KALRN: variants seen among roughly 807,000 people sequenced by gnomAD.
KALRN encodes the protein kalirin.
A neutral mutation model predicts 353.7 loss-of-function variants in KALRN; 70 were observed. The ratio of observed to expected loss-of-function variants is 0.20; its 90% CI spans 0.16 to 0.24. KALRN has a LOEUF of 0.24. KALRN is among the 10% of genes least tolerant of loss of function. The pLI is 1.00. For missense variants in KALRN, 2,791 were observed against 3,756.7 expected, an observed-to-expected ratio of 0.74 and a Z score of 6.72; for synonymous variants, 1,391 against 1,434.8, an observed-to-expected ratio of 0.97 and a Z score of 0.69.
intron 5 of KALRN, among the ~76,000 whole-genome samples, chr3:124,270,780 G>C (rs1440015634): frequency 1.3e-5 from 2 of 151,422 alleles, no homozygotes; most frequent in African/African-American, 4.9e-5. Flanking sequence ...CAGGTACTTT[G>C]GCTCTGTTGC....
intron 51 of KALRN, among the ~76,000 whole-genome samples, chr3:124,693,018 C>G (rs2061892573): frequency 6.6e-6 from 1 of 152,184 alleles, no homozygotes; most frequent in African/African-American, 2.4e-5. Context: ...CCAGGGTGTC[C>G]TGAGGCAGGC....
chr3:124,480,203 A>C (rs928504712), intron 27 of KALRN, among the ~76,000 whole-genome samples: 11 of 152,092 alleles, frequency 7.2e-5, no homozygotes, highest in African/African-American at 2.7e-4. Flanking sequence ...CTCCCAGATA[A>C]ACTCACAAGG....
chr3:124,203,866 G>A (rs892164088), intron 1 of KALRN, among the ~76,000 whole-genome samples: 12 of 152,212 alleles, frequency 7.9e-5, no homozygotes, highest in African/African-American at 2.7e-4. Flanking sequence ...TTTGAATTGC[G>A]TGGGTCCACT....
chr3:124,069,812 TG>T (rs2059928322), intron 1 of KALRN, among the ~76,000 whole-genome samples: 1 of 152,076 alleles, frequency 6.6e-6, no homozygotes, highest in African/African-American at 2.4e-5. Context: ...GAGCTTTGCC[TG>T]GGGGAGTTAG....
At position 124,446,760 on chromosome 3, in the gene KALRN, T is replaced by C. The variant is rs377311976; in HGVS notation, c.3430-3T>C. 1.9e-6 allele frequency: 3 copies of C among 1,613,954 alleles called. No homozygotes were observed. The highest frequency in any genetic ancestry group is 1.3e-5 in the African/African-American group (1 of 74,908). Reference sequence around the variant, plus strand: ...GGACTGGATGAGTTGTTTCCTCCCATAGGCGCTTGACTGGATCCAAGAAAC... The same window carrying C: ...GGACTGGATGAGTTGTTTCCTCCCACAGGCGCTTGACTGGATCCAAGAAAC... On this transcript the variant is annotated splice_polypyrimidine_tract_variant and splice_region_variant and intron_variant, in intron 20 of 59. Transcript: ENST00000682506.
chr3:124,325,774 C>A (rs1245667558), intron 6 of KALRN, among the ~76,000 whole-genome samples: 1 of 152,202 alleles, frequency 6.6e-6, no homozygotes, highest in Non-Finnish European at 1.5e-5. Context: ...TGGTTCCCCA[C>A]AATGAAAGTT....
chr3:124,700,136 G>A (rs977123285), intron 56 of KALRN, 103 bp downstream of exon 56: 1 of 1,093,762 alleles, frequency 9.1e-7, no homozygotes, highest in African/African-American at 1.6e-5. Flanking sequence ...CACCATGCAA[G>A]AGGCACCTTT....
intron 6 of KALRN, among the ~76,000 whole-genome samples, chr3:124,312,749 G>A (rs1012044183): frequency 6.6e-6 from 1 of 152,224 alleles, no homozygotes; most frequent in African/African-American, 2.4e-5. Flanking sequence ...CAAGGTTCAT[G>A]AGACACAAAG....
chr3:124,040,361 T>C (rs1485018851), intron 1 of KALRN, among the ~76,000 whole-genome samples: 3 of 152,238 alleles, frequency 2.0e-5, no homozygotes, highest in African/African-American at 2.4e-5. Context: ...CAGTATGGTA[T>C]AGCCCAGTGG....
intron 51 of KALRN, among the ~76,000 whole-genome samples, chr3:124,684,803 C>T (rs186935407): frequency 2.4e-4 from 36 of 152,242 alleles, no homozygotes; most frequent in Admixed American, 1.4e-3. Flanking sequence ...CCTTCTGAGA[C>T]TCAACTGGAG....
intron 1 of KALRN, among the ~76,000 whole-genome samples, chr3:124,218,178 A>T (rs893834327): frequency 2.6e-5 from 4 of 152,158 alleles, no homozygotes. Context: ...TCATATTTAG[A>T]TACCTGCCAG....
At chr3:124,444,305 G>C (rs2150635495) in intron 19 of KALRN, among the ~76,000 whole-genome samples, 1 of 152,294 alleles carries the variant, frequency 6.6e-6, no homozygotes, top group African/African-American at 2.4e-5. Flanking sequence ...TGATAGCAGA[G>C]GTACAAGGAG....
At chr3:124,194,537 G>A (rs984508563) in intron 1 of KALRN, among the ~76,000 whole-genome samples, 11 of 152,160 alleles carry the variant, frequency 7.2e-5, no homozygotes, top group African/African-American at 1.9e-4. Flanking sequence ...TTCCTACAAG[G>A]ATTAAACATT....
At chr3:124,156,130 G>A (rs144821360) in intron 1 of KALRN, among the ~76,000 whole-genome samples, 4 of 152,318 alleles carry the variant, frequency 2.6e-5, no homozygotes, top group Admixed American at 6.5e-5. Context: ...GGTGGTATAT[G>A]AAGTGGAATC....
In KALRN at chr3:124,291,084, G is replaced by A. The variant is rs144666483; in HGVS notation, c.970-7707G>A. Among the ~76,000 whole-genome samples the A allele has an allele frequency of 4.9e-4, 74 of 152,310 alleles. No individual in the cohort carries two copies. The East Asian group carries it at 0.012, about 24-fold the overall frequency. On this transcript the variant is annotated intron_variant, in intron 5 of 59. Transcript: ENST00000682506. ...AGAATGATAGAAGATGGGAACCACA[G>A]CTTGCCAGCAGAGCAGTGCTTGCAG...
intron 25 of KALRN, among the ~76,000 whole-genome samples, chr3:124,472,785 TGTA>T (rs1483959567): frequency 2.0e-5 from 3 of 152,224 alleles, no homozygotes; most frequent in African/African-American, 7.2e-5. Context: ...ATGTGTCACT[TGTA>T]GTTCTTTAAA....
chr3:124,623,591 C>G (rs1212467282), intron 34 of KALRN, among the ~76,000 whole-genome samples: 2 of 152,092 alleles, frequency 1.3e-5, no homozygotes, highest in Non-Finnish European at 2.9e-5. Flanking sequence ...AGCTGGGAGG[C>G]TAGGCCTGTC....
chr3:124,075,392 A>T (rs544210540), intron 1 of KALRN, among the ~76,000 whole-genome samples: 1 of 152,280 alleles, frequency 6.6e-6, no homozygotes, highest in Admixed American at 6.5e-5. Context: ...GCAAGTTGGG[A>T]AGGATTTTCA....
At chr3:124,079,166 T>C (rs777482778) in intron 1 of KALRN, among the ~76,000 whole-genome samples, 18 of 152,112 alleles carry the variant, frequency 1.2e-4, no homozygotes, top group Non-Finnish European at 4.4e-5. Flanking sequence ...GTAGCAAACA[T>C]GATCTGCAGC....
Sources: allele counts gnomAD v4.1 joint callset (sites outside exome capture counted in the v4.1 genomes callset), GRCh38; gene constraint gnomAD v4.1.1; transcripts MANE v1.5; gene names NCBI Gene and HGNC (gene_info 2026-07-23, HGNC 2026-07-21).